The following DAB1 variants were observed in gnomAD, a reference collection of about 807,000 sequenced individuals.
The protein encoded by DAB1 is disabled homolog 1.
A neutral mutation model predicts 64.6 loss-of-function variants in DAB1; 15 were observed. That is an observed-to-expected ratio of 0.23 (90% CI 0.16 to 0.36). The LOEUF is 0.36. Among genes scored for constraint, DAB1 ranks in the 10% least tolerant of loss-of-function variants. The pLI is 1.00. For synonymous variants in DAB1, 235 were observed against 251.9 expected (o/e 0.93, Z 0.64); for missense variants, 596 against 706.7 (o/e 0.84, Z 1.78).
chr1:58,070,665 C>T (rs571358093), intron 5 of DAB1, among the ~76,000 whole-genome samples: 2 of 152,226 alleles, frequency 1.3e-5, no homozygotes, highest in East Asian at 3.9e-4. Context: ...GGGATGCAGG[C>T]CTGTGGCTAG....
chr1:57,553,418 G>A (rs1202385765), intron 7 of DAB1, among the ~76,000 whole-genome samples: 2 of 12,744 alleles, frequency 1.6e-4, no homozygotes, highest in African/African-American at 2.1e-4. Context: ...AAGAAAGAAA[G>A]AAAGAAAGAA....
At chr1:57,249,758 T>C (rs1050918384) in intron 2 of DAB1, among the ~76,000 whole-genome samples, 5 of 152,212 alleles carry the variant, frequency 3.3e-5, no homozygotes, top group Non-Finnish European at 7.3e-5. Flanking sequence ...AATGCTCTAG[T>C]GCTCTTTCCA....
rs201318657 is a variant in DAB1 at position 57,025,980 on chromosome 1, C to A, written c.786+1G>T. ...GGGTTCAGAGAGCAATGCATACTTA[C>A]GGGGGGAGAGGTTATATCAGGGGGT... On this transcript the variant is annotated splice_donor_variant, in intron 10 of 14. Coordinates refer to ENST00000371236, the MANE Select transcript of DAB1 (RefSeq NM_001365792.1). LOFTEE classifies it high-confidence loss of function. The A allele has an allele frequency of 6.4e-7, 1 of 1,574,332 alleles. No individual in the cohort carries two copies. The highest frequency in any genetic ancestry group is 8.6e-7 in the Non-Finnish European group (1 of 1,163,602).
At chr1:57,183,869 C>A (rs1418566817) in intron 2 of DAB1, among the ~76,000 whole-genome samples, 1 of 151,884 alleles carries the variant, frequency 6.6e-6, no homozygotes, top group African/African-American at 2.4e-5. Context: ...TGAATGAAGA[C>A]AAGGATGGGA....
intron 6 of DAB1, among the ~76,000 whole-genome samples, chr1:57,691,617 A>G (rs557975720): frequency 6.6e-6 from 1 of 152,298 alleles, no homozygotes; most frequent in Admixed American, 6.5e-5. Context: ...CAGTGAGACC[A>G]TGAACTCACC....
chr1:58,238,392 A>G (rs1445056405), intron 4 of DAB1, among the ~76,000 whole-genome samples: 1 of 152,242 alleles, frequency 6.6e-6, no homozygotes, highest in Non-Finnish European at 1.5e-5. Context: ...GAGAAGGGAC[A>G]GCAGGTACAG....
At chr1:58,054,588 C>CAGCT (rs1206101294) in intron 5 of DAB1, among the ~76,000 whole-genome samples, 5 of 152,236 alleles carry the variant, frequency 3.3e-5, no homozygotes, top group African/African-American at 1.2e-4. Context: ...AACCCATTAT[C>CAGCT]AGCTCATTGG....
At chr1:57,025,932 T>C in intron 10 of DAB1, 49 bp downstream of exon 10, 2 of 1,458,814 alleles carry the variant, frequency 1.4e-6, no homozygotes, top group Non-Finnish European at 9.2e-7. Flanking sequence ...AGGGGATGTG[T>C]AAAGAAAGGA....
intron 1 of DAB1, among the ~76,000 whole-genome samples, chr1:57,362,853 C>A (rs928196306): frequency 2.0e-5 from 3 of 152,118 alleles, no homozygotes; most frequent in Non-Finnish European, 4.4e-5. Context: ...ACTACACATA[C>A]AACATCTTTT....
intron 4 of DAB1, among the ~76,000 whole-genome samples, chr1:58,239,331 G>T (rs1298039822): frequency 6.6e-6 from 1 of 152,100 alleles, no homozygotes; most frequent in East Asian, 1.9e-4. Flanking sequence ...TAAGATGCAC[G>T]TTTTCATGTT....
chr1:57,216,372 A>G lies in DAB1; in HGVS notation c.68-70943T>C, dbSNP rs185352079. The stretch of plus-strand genomic sequence containing the variant: ...AAGTAACTCCTTTATATAATCATAA[A>G]GAAGTATAATTCCACTGATACTCAT... On this transcript the variant is annotated intron_variant, in intron 2 of 14. Transcript: ENST00000371236. 9.7e-4 allele frequency among the ~76,000 whole-genome samples: 148 copies of G among 152,318 alleles called. 1 individual carries two copies. The highest frequency in any genetic ancestry group is 3.4e-3 in the African/African-American group (140 of 41,558).
chr1:57,257,992 C>A (rs1006747084), intron 2 of DAB1, among the ~76,000 whole-genome samples: 1 of 152,224 alleles, frequency 6.6e-6, no homozygotes, highest in Non-Finnish European at 1.5e-5. Flanking sequence ...TGTAAGGCAA[C>A]ATGCACAGGT....
At chr1:57,103,543 T>C (rs1654872559) in intron 4 of DAB1, among the ~76,000 whole-genome samples, 1 of 152,126 alleles carries the variant, frequency 6.6e-6, no homozygotes. Flanking sequence ...ACAGTAGTTA[T>C]GTGTACTAGG....
intron 7 of DAB1, among the ~76,000 whole-genome samples, chr1:57,590,165 A>G (rs757554898): frequency 7.9e-5 from 12 of 152,226 alleles, no homozygotes; most frequent in Admixed American, 1.3e-4. Flanking sequence ...TTCAGATGGC[A>G]ACCCTTTTGC....
At chr1:57,851,438 T>C (rs4997596) in intron 1 of DAB1, among the ~76,000 whole-genome samples, 11,529 of 152,152 alleles carry the variant, frequency 0.076, 672 homozygotes, top group Admixed American at 0.21. Flanking sequence ...AGAGCACACC[T>C]CTGAGGTGGG....
At chr1:58,274,978 C>T (rs1016971492) in intron 4 of DAB1, among the ~76,000 whole-genome samples, 4 of 152,162 alleles carry the variant, frequency 2.6e-5, no homozygotes, top group Non-Finnish European at 4.4e-5. Flanking sequence ...GCATCGCTCA[C>T]GCTGGGAGCT....
chr1:57,823,470 T>C (rs1652212353), downstream of DAB1, among the ~76,000 whole-genome samples: 1 of 150,734 alleles, frequency 6.6e-6, no homozygotes, highest in Non-Finnish European at 1.5e-5. Context: ...TAAGCAGGGG[T>C]CTTCTGGAGA....
chr1:57,575,550 A>C (rs1274153671), intron 7 of DAB1, among the ~76,000 whole-genome samples: 3 of 152,216 alleles, frequency 2.0e-5, no homozygotes, highest in African/African-American at 7.2e-5. Context: ...GCACCAGATG[A>C]AACATAGCTT....
At chr1:57,453,633 AT>A (rs1485895002) in intron 7 of DAB1, among the ~76,000 whole-genome samples, 4 of 152,180 alleles carry the variant, frequency 2.6e-5, no homozygotes, top group Non-Finnish European at 4.4e-5. Context: ...TAACAAAAAA[AT>A]AGGATAACAA....
Sources: allele counts gnomAD v4.1 joint callset (sites outside exome capture counted in the v4.1 genomes callset), GRCh38; gene constraint gnomAD v4.1.1; transcripts MANE v1.5; gene names NCBI Gene and HGNC (gene_info 2026-07-23, HGNC 2026-07-21).